Variants in CMTM8 observed in about 807,000 individuals in gnomAD.
CMTM8 encodes the protein CKLF-like MARVEL transmembrane domain-containing protein 8.
Under a neutral mutation model 18.6 loss-of-function variants are expected in CMTM8, and 12 were observed. The ratio of observed to expected loss-of-function variants is 0.65; its 90% CI spans 0.41 to 1.05. The LOEUF (loss-of-function observed/expected upper bound fraction) is 1.05. CMTM8 is among the 50% of genes least tolerant of loss of function. CMTM8 has a pLI of 0.00. For synonymous variants in CMTM8, 87 were observed against 90.6 expected (o/e 0.96, Z 0.23); for missense variants, 217 against 227.2 (o/e 0.95, Z 0.29).
intron 1 of CMTM8, among the ~76,000 whole-genome samples, chr3:32,334,388 C>T (rs1348182295): frequency 2.6e-5 from 4 of 151,864 alleles, no homozygotes; most frequent in South Asian, 2.1e-4. Context: ...AGGCAGATCA[C>T]GAGGTCAGGA....
chr3:32,280,846 C>CAAAAAAAAAAAAAAAAAA (rs60845487), intron 1 of CMTM8, among the ~76,000 whole-genome samples: 2 of 68,172 alleles, frequency 2.9e-5, no homozygotes, highest in Non-Finnish European at 2.6e-5. Flanking sequence ...AGAAAATAGG[C>CAAAAAAAAAAAAAAAAAA]AAAAAAAAAA....
chr3:32,295,208 C>A (rs980826214), intron 1 of CMTM8, among the ~76,000 whole-genome samples: 1 of 152,016 alleles, frequency 6.6e-6, no homozygotes, highest in African/African-American at 2.4e-5. Context: ...GTAATCCCAG[C>A]CCTTTGGGAG....
chr3:32,348,044 C>T (rs531488180), intron 1 of CMTM8, among the ~76,000 whole-genome samples: 1 of 152,078 alleles, frequency 6.6e-6, no homozygotes, highest in Non-Finnish European at 1.5e-5. Context: ...TTTATGCTCT[C>T]CTTTTGGTGA....
intron 1 of CMTM8, among the ~76,000 whole-genome samples, chr3:32,253,185 T>C (rs1436030523): frequency 6.6e-6 from 1 of 152,224 alleles, no homozygotes; most frequent in Non-Finnish European, 1.5e-5. Flanking sequence ...TGTTTTTTAC[T>C]CTTGGATTTG....
At chr3:32,298,691 A>G (rs1309832957) in intron 1 of CMTM8, among the ~76,000 whole-genome samples, 1 of 150,894 alleles carries the variant, frequency 6.6e-6, no homozygotes, top group Non-Finnish European at 1.5e-5. Flanking sequence ...GCTGGAGTGC[A>G]GTGGTGCGAT....
chr3:32,262,205 G>A (rs1044961549), intron 1 of CMTM8, among the ~76,000 whole-genome samples: 5 of 152,182 alleles, frequency 3.3e-5, no homozygotes, highest in South Asian at 2.1e-4. Context: ...GGAATGGGAC[G>A]CTGGGATTTC....
At chr3:32,317,366 G>T (rs552935613) in intron 1 of CMTM8, among the ~76,000 whole-genome samples, 81 of 152,126 alleles carry the variant, frequency 5.3e-4, no homozygotes, top group African/African-American at 1.6e-3. Context: ...CATTTACCTT[G>T]GTCCATCTTA....
chr3:32,333,417 A>T (rs1036825808), intron 1 of CMTM8, among the ~76,000 whole-genome samples: 2 of 152,178 alleles, frequency 1.3e-5, no homozygotes. Context: ...AGAAATGCAG[A>T]TCTTAGGCCT....
intron 2 of CMTM8, among the ~76,000 whole-genome samples, chr3:32,361,296 CT>C (rs1559390127): frequency 7.9e-6 from 1 of 125,910 alleles, no homozygotes; most frequent in Non-Finnish European, 1.6e-5. Context: ...GTTTTTTTTT[CT>C]TTCAAATTTT....
At chr3:32,325,745 A>G (rs1034198262) in intron 1 of CMTM8, among the ~76,000 whole-genome samples, 4 of 152,164 alleles carry the variant, frequency 2.6e-5, no homozygotes, top group African/African-American at 9.7e-5. Context: ...CTTCTTCCCT[A>G]CCTATCTCCC....
intron 2 of CMTM8, among the ~76,000 whole-genome samples, chr3:32,364,545 A>C (rs1559391212): frequency 6.6e-6 from 1 of 152,170 alleles, no homozygotes; most frequent in Non-Finnish European, 1.5e-5. Flanking sequence ...TCTGATGGAA[A>C]AGATGTGTAC....
At chr3:32,326,870 G>A (rs1696168959) in intron 1 of CMTM8, among the ~76,000 whole-genome samples, 1 of 152,054 alleles carries the variant, frequency 6.6e-6, no homozygotes, top group Non-Finnish European at 1.5e-5. Flanking sequence ...GTCATTTATT[G>A]GTTTCCCCGA....
At position 32,238,944 on chromosome 3, in the gene CMTM8, G is replaced by A. The variant is rs762698989; in HGVS notation, c.-29G>A. 3 of 1,540,128 alleles carry A rather than the reference G, an allele frequency of 1.9e-6. No homozygotes were observed. The South Asian group carries it at 3.6e-5, about 19-fold the overall frequency. On this transcript the variant is annotated 5_prime_UTR_variant, in exon 1 of 4. Transcript: ENST00000307526. ...GCCCCAGACCCGCCGGGGTCCCTGG[G>A]GACGCGCCAGCCCGGCAGTGGCTCG...
intron 1 of CMTM8, among the ~76,000 whole-genome samples, chr3:32,272,694 A>T (rs1702456419): frequency 6.6e-6 from 1 of 152,180 alleles, no homozygotes; most frequent in African/African-American, 2.4e-5. Flanking sequence ...CAAATGAGAG[A>T]ATATGTGGGG....
At chr3:32,333,258 G>T (rs1696316573) in intron 1 of CMTM8, among the ~76,000 whole-genome samples, 1 of 152,146 alleles carries the variant, frequency 6.6e-6, no homozygotes, top group Admixed American at 6.5e-5. Context: ...TTTTCCAACT[G>T]TTTAAAACCC....
intron 1 of CMTM8, among the ~76,000 whole-genome samples, chr3:32,342,823 C>T (rs114084798): frequency 0.015 from 2,279 of 152,326 alleles, 63 homozygotes; most frequent in African/African-American, 0.051. Flanking sequence ...TAATAATTGA[C>T]ACAGCACCTC....
intron 1 of CMTM8, among the ~76,000 whole-genome samples, chr3:32,260,610 T>A (rs1702242564): frequency 6.6e-6 from 1 of 152,170 alleles, no homozygotes; most frequent in East Asian, 1.9e-4. Context: ...TACCTGTAGT[T>A]CTAGATTACA....
intron 3 of CMTM8, 60 bp downstream of exon 3, chr3:32,368,048 T>A: frequency 2.5e-6 from 3 of 1,202,156 alleles, no homozygotes; most frequent in Non-Finnish European, 3.7e-6. Context: ...TTGCTTGGGA[T>A]TGGGGAAGAC....
chr3:32,280,440 A>G (rs1702589175), intron 1 of CMTM8, among the ~76,000 whole-genome samples: 2 of 152,236 alleles, frequency 1.3e-5, no homozygotes, highest in African/African-American at 4.8e-5. Flanking sequence ...ATAACTTTGT[A>G]ACTTCACTTC....
Sources: gnomAD v4.1 joint callset for allele counts (sites outside exome capture counted in the v4.1 genomes callset) on GRCh38, gnomAD v4.1.1 for gene constraint, MANE v1.5 for transcripts, NCBI Gene and HGNC (gene_info 2026-07-23, HGNC 2026-07-21) for gene names.